Variants in SDK1 observed in about 807,000 individuals in gnomAD.
The protein encoded by SDK1 is protein sidekick-1.
Under a neutral mutation model 245.5 loss-of-function variants are expected in SDK1, and 157 were observed. The observed-to-expected ratio is 0.64, with a 90% CI of 0.56 to 0.73. The LOEUF (loss-of-function observed/expected upper bound fraction) is 0.73, where lower values mean the gene tolerates loss of function less well. Among genes scored for constraint, SDK1 ranks in the 30% least tolerant of loss-of-function variants. The pLI is 0.00. For missense variants in SDK1, 3,583 were observed against 3,002.3 expected (o/e 1.19, Z -4.52); for synonymous variants, 1,647 against 1,278.5 (o/e 1.29, Z -6.15).
At chr7:3,548,942 A>G (rs1260550820) in intron 1 of SDK1, among the ~76,000 whole-genome samples, 2 of 152,220 alleles carry the variant, frequency 1.3e-5, no homozygotes, top group East Asian at 1.9e-4. Context: ...AGATCCAGCC[A>G]TATAGAACAA....
intron 4 of SDK1, among the ~76,000 whole-genome samples, chr7:3,747,905 G>C (rs1039637463): frequency 6.6e-6 from 1 of 151,950 alleles, no homozygotes; most frequent in Non-Finnish European, 1.5e-5. Context: ...ATATAGGAAG[G>C]GGTCACAGCA....
chr7:4,187,409 C>T (rs1324142302), intron 35 of SDK1, among the ~76,000 whole-genome samples: 1 of 152,232 alleles, frequency 6.6e-6, no homozygotes, highest in Non-Finnish European at 1.5e-5. Context: ...AACTTCTGGT[C>T]CAATGACATG....
At chr7:3,998,753 A>C (rs541869464) in intron 14 of SDK1, among the ~76,000 whole-genome samples, 1 of 152,334 alleles carries the variant, frequency 6.6e-6, no homozygotes, top group South Asian at 2.1e-4. Flanking sequence ...AATGTGCGGG[A>C]GGAACAACAC....
At chr7:3,331,970 C>T (rs891509172) in intron 1 of SDK1, among the ~76,000 whole-genome samples, 1 of 152,134 alleles carries the variant, frequency 6.6e-6, no homozygotes, top group Non-Finnish European at 1.5e-5. Flanking sequence ...TACTAAAAAT[C>T]AACTACTTCA....
intron 4 of SDK1, among the ~76,000 whole-genome samples, chr7:3,714,222 G>A (rs1333861918): frequency 6.6e-6 from 1 of 152,180 alleles, no homozygotes; most frequent in Non-Finnish European, 1.5e-5. Context: ...GCTGCAGATA[G>A]ACCAGGAGGT....
intron 4 of SDK1, among the ~76,000 whole-genome samples, chr7:3,771,759 A>T (rs1351418456): frequency 2.6e-5 from 4 of 152,194 alleles, no homozygotes. Context: ...AAATACAGAT[A>T]ATCAAAAATT....
intron 19 of SDK1, among the ~76,000 whole-genome samples, chr7:4,053,144 T>TG (rs1778982430): frequency 6.6e-6 from 1 of 151,692 alleles, no homozygotes; most frequent in Admixed American, 6.6e-5. Context: ...CCTGGGCTGC[T>TG]GCTTGTCTCT....
intron 4 of SDK1, among the ~76,000 whole-genome samples, chr7:3,716,260 A>T (rs1310360972): frequency 6.6e-6 from 1 of 152,044 alleles, no homozygotes; most frequent in Non-Finnish European, 1.5e-5. Context: ...AGCTTTCTAA[A>T]TTGGGGGAAA....
chr7:3,508,438 C>G (rs575786909), intron 1 of SDK1, among the ~76,000 whole-genome samples: 1 of 151,582 alleles, frequency 6.6e-6, no homozygotes, highest in African/African-American at 2.4e-5. Context: ...AACAATTCTC[C>G]TGCCTCAGCC....
At chr7:4,089,634 G>A (rs983708954) in intron 22 of SDK1, among the ~76,000 whole-genome samples, 2 of 152,300 alleles carry the variant, frequency 1.3e-5, no homozygotes, top group South Asian at 2.1e-4. Flanking sequence ...GCTCCGTCAC[G>A]TGGAGCCCAC....
At chr7:4,203,097 C>T (rs10230864) in intron 35 of SDK1, among the ~76,000 whole-genome samples, 49,383 of 152,144 alleles carry the variant, frequency 0.32, 8,773 homozygotes, top group African/African-American at 0.47. Context: ...GGCTTGGCTG[C>T]AGCCTCCAGC....
At chr7:3,465,006 A>G (rs1164043298) in intron 1 of SDK1, among the ~76,000 whole-genome samples, 1 of 152,176 alleles carries the variant, frequency 6.6e-6, no homozygotes, top group Non-Finnish European at 1.5e-5. Flanking sequence ...TGCTAACCAG[A>G]GGAACCACAG....
intron 1 of SDK1, among the ~76,000 whole-genome samples, chr7:3,316,371 T>C (rs1779662554): frequency 6.6e-6 from 1 of 152,298 alleles, no homozygotes; most frequent in Admixed American, 6.5e-5. Context: ...CACAGGTTTG[T>C]AGCCTGGGAG....
intron 1 of SDK1, among the ~76,000 whole-genome samples, chr7:3,475,803 G>A (rs945773352): frequency 6.6e-6 from 1 of 152,018 alleles, no homozygotes; most frequent in African/African-American, 2.4e-5. Context: ...GTTTCATAGT[G>A]GAACTGCATT....
chr7:3,363,271 T>C (rs1043136730), intron 1 of SDK1, among the ~76,000 whole-genome samples: 2 of 152,202 alleles, frequency 1.3e-5, no homozygotes, highest in African/African-American at 4.8e-5. Flanking sequence ...TCCCTGACGA[T>C]TCATCTAGAT....
chr7:3,898,246 A>T (rs527638663), intron 5 of SDK1, among the ~76,000 whole-genome samples: 2 of 152,212 alleles, frequency 1.3e-5, no homozygotes, highest in Non-Finnish European at 2.9e-5. Flanking sequence ...TAGGGCCGAC[A>T]GTTGACCTGA....
intron 39 of SDK1, among the ~76,000 whole-genome samples, chr7:4,220,773 G>C (rs1290404816): frequency 6.6e-6 from 1 of 151,824 alleles, no homozygotes; most frequent in South Asian, 2.1e-4. Flanking sequence ...AGGTTTTTTT[G>C]TTGTTGTTTG....
At chr7:3,774,297 G>A (rs1562433497) in intron 4 of SDK1, among the ~76,000 whole-genome samples, 2 of 152,088 alleles carry the variant, frequency 1.3e-5, no homozygotes, top group Admixed American at 6.5e-5. Context: ...CTACAACAGT[G>A]GGGGAAGGTG....
chr7:3,790,095 G>A lies in SDK1; in HGVS notation c.714-31355G>A, dbSNP rs1054389793. On this transcript the variant is annotated intron_variant, in intron 4 of 44. Transcript: ENST00000404826. ...GTCCAAATGCCAGGTGTAGCAGAGT[G>A]GGAGGTGAGGACCTGAGAGGAGAAG... Among the ~76,000 whole-genome samples the A allele has an allele frequency of 3.9e-5, 6 of 152,168 alleles. No homozygotes were observed. The South Asian group carries it at 1.0e-3, about 26-fold the overall frequency.
Sources: allele counts gnomAD v4.1 joint callset (sites outside exome capture counted in the v4.1 genomes callset), GRCh38; gene constraint gnomAD v4.1.1; transcripts MANE v1.5; gene names NCBI Gene and HGNC (gene_info 2026-07-23, HGNC 2026-07-21).